SOX6: variants seen among roughly 807,000 people sequenced by gnomAD.
SOX6 encodes the protein SRY-box transcription factor 6.
Under a neutral mutation model 97.8 loss-of-function variants are expected in SOX6, and 11 were observed. The ratio of observed to expected loss-of-function variants is 0.11; its 90% CI spans 0.07 to 0.19. The LOEUF (loss-of-function observed/expected upper bound fraction) is 0.19, where lower values mean the gene tolerates loss of function less well. Ranked by LOEUF, SOX6 falls within the 10% of genes least tolerant of loss-of-function variation. The pLI is 1.00. For missense variants in SOX6, 810 were observed against 1,039.5 expected (o/e 0.78, Z 3.04); for synonymous variants, 360 against 371.4 (o/e 0.97, Z 0.35).
intron 3 of SOX6, among the ~76,000 whole-genome samples, chr11:16,680,935 C>T (rs900069986): frequency 6.6e-6 from 1 of 152,198 alleles, no homozygotes; most frequent in Non-Finnish European, 1.5e-5. Context: ...TGCACCCAAA[C>T]AGGAGCACCC....
At position 16,300,907 on chromosome 11, in the gene SOX6, C is replaced by T. The variant is rs954374478; in HGVS notation, c.445+17539G>A. On this transcript the variant is annotated intron_variant, in intron 3 of 15. Transcript: ENST00000683767. This position sits in a 1 kb window ranked among gnomAD's most constrained non-coding sequence, Gnocchi z 4.1. ...CACCATAAGATAAGATAAGGGATCACTCTGTGACCTGTGTGCTATACCTTT... is the reference window on the plus strand; with the variant it reads ...CACCATAAGATAAGATAAGGGATCATTCTGTGACCTGTGTGCTATACCTTT... Among the ~76,000 whole-genome samples, 10 of 152,180 alleles carry T rather than the reference C, an allele frequency of 6.6e-5. No individual in the cohort carries two copies. In the South Asian group the frequency reaches 1.2e-3, roughly 19 times the overall value.
chr11:16,051,241 C>T lies in SOX6; in HGVS notation c.1252-1303G>A, dbSNP rs192846468. Reference sequence around the variant, plus strand: ...ATTTTCATATACTAGTTCATTTAACCGTCAATGACTATGAGCCTGGCCAGT... The same window carrying T: ...ATTTTCATATACTAGTTCATTTAACTGTCAATGACTATGAGCCTGGCCAGT... On this transcript the variant is annotated intron_variant, in intron 10 of 15. Coordinates refer to ENST00000683767, the MANE Select transcript of SOX6 (RefSeq NM_001367873.1). Among the ~76,000 whole-genome samples, 222 of 152,168 alleles carry T rather than the reference C, an allele frequency of 1.5e-3. 2 individuals carry two copies. Among genetic ancestry groups the T allele is most frequent in the Non-Finnish European group, 2.1e-3 (143 of 67,984 alleles).
At chr11:15,996,795 A>G (rs1854239970) in intron 13 of SOX6, among the ~76,000 whole-genome samples, 1 of 152,228 alleles carries the variant, frequency 6.6e-6, no homozygotes. Flanking sequence ...ACTGAAGTGT[A>G]AGACCTAAGC....
At chr11:15,975,139 GT>G (rs1853437066) in intron 15 of SOX6, among the ~76,000 whole-genome samples, 1 of 152,176 alleles carries the variant, frequency 6.6e-6, no homozygotes, top group South Asian at 2.1e-4. Context: ...CTCATGGTGA[GT>G]TTTTTGGTTG....
At chr11:16,340,321 A>G (rs1170774568) in intron 2 of SOX6, among the ~76,000 whole-genome samples, 1 of 151,824 alleles carries the variant, frequency 6.6e-6, no homozygotes, top group African/African-American at 2.4e-5. Context: ...TGCTAAAAAA[A>G]TTGAATATTT....
At chr11:16,487,399 AT>A (rs1033585084) in intron 4 of SOX6, among the ~76,000 whole-genome samples, 2 of 152,178 alleles carry the variant, frequency 1.3e-5, no homozygotes, top group Non-Finnish European at 2.9e-5. Flanking sequence ...ACAAAGCATA[AT>A]CCCAGACCTC....
At chr11:16,023,430 TA>T (rs1467331407) in intron 12 of SOX6, 3 of 152,176 alleles carry the variant, frequency 2.0e-5, no homozygotes, top group Non-Finnish European at 4.4e-5. Flanking sequence ...ATTTTACTTT[TA>T]AATAAAATGC....
chr11:16,333,597 A>AT (rs1461818308), intron 2 of SOX6, among the ~76,000 whole-genome samples: 1 of 151,872 alleles, frequency 6.6e-6, no homozygotes, highest in Non-Finnish European at 1.5e-5. Flanking sequence ...TAAAAGGTTT[A>AT]TTTAAAAAAA....
intron 4 of SOX6, among the ~76,000 whole-genome samples, chr11:16,205,351 A>G (rs535734016): frequency 6.6e-6 from 1 of 152,154 alleles, no homozygotes; most frequent in South Asian, 2.1e-4. Context: ...ATCAAATTTA[A>G]CCACTGACAT....
chr11:15,997,270 C>T lies in SOX6; in HGVS notation c.1733-8040G>A, dbSNP rs145434576. The stretch of plus-strand genomic sequence containing the variant: ...TTATCCACAAAGAAAATTGAAGCCC[C>T]GAATGGTTTCACTGGTAAATTCTTT... On this transcript the variant is annotated intron_variant, in intron 13 of 15. Coordinates refer to ENST00000683767, the MANE Select transcript of SOX6 (RefSeq NM_001367873.1). Among the ~76,000 whole-genome samples, 633 of 152,026 alleles carry T rather than the reference C, an allele frequency of 4.2e-3. 7 individuals carry two copies. The highest frequency in any genetic ancestry group is 0.014 in the African/African-American group (573 of 41,466).
intron 1 of SOX6, among the ~76,000 whole-genome samples, chr11:16,380,737 G>C (rs985956564): frequency 6.6e-6 from 1 of 151,994 alleles, no homozygotes; most frequent in Non-Finnish European, 1.5e-5. Context: ...GACATAAAAA[G>C]CAATCAAGCA....
chr11:16,351,032 C>A (rs1176103757), intron 1 of SOX6, among the ~76,000 whole-genome samples: 1 of 152,072 alleles, frequency 6.6e-6, no homozygotes, highest in African/African-American at 2.4e-5. Context: ...TATCAAGCAT[C>A]TCATTAAGTC....
rs923303724 is a variant in SOX6 at position 16,130,633 on chromosome 11, T to C, written c.778-18710A>G. On this transcript the variant is annotated intron_variant, in intron 6 of 15. Transcript: ENST00000683767. Reference sequence around the variant, plus strand: ...AAATTCCAGCAGGACATTTTGAATATAGTATGAAGCTGATTCTAAATTTGA... The same window carrying C: ...AAATTCCAGCAGGACATTTTGAATACAGTATGAAGCTGATTCTAAATTTGA... 2.6e-4 allele frequency among the ~76,000 whole-genome samples: 39 copies of C among 152,006 alleles called. 1 individual carries two copies. The highest frequency in any genetic ancestry group is 1.9e-4 in the East Asian group (1 of 5,176).
chr11:16,413,157 C>A (rs1858856300), intron 1 of SOX6, among the ~76,000 whole-genome samples: 1 of 152,182 alleles, frequency 6.6e-6, no homozygotes, highest in South Asian at 2.1e-4. Flanking sequence ...AGTTGCACAG[C>A]AAAAACTTCT....
At chr11:16,206,589 G>C (rs1258648269) in intron 4 of SOX6, among the ~76,000 whole-genome samples, 1 of 152,122 alleles carries the variant, frequency 6.6e-6, no homozygotes, top group Non-Finnish European at 1.5e-5. Flanking sequence ...TAGTGATAGA[G>C]TATTGTATAG....
At chr11:16,086,649 C>T (rs866787979) in intron 9 of SOX6, among the ~76,000 whole-genome samples, 2 of 152,242 alleles carry the variant, frequency 1.3e-5, no homozygotes, top group African/African-American at 4.8e-5. Context: ...CTCATCAAAA[C>T]TTTGAAACTA....
chr11:16,132,800 A>G lies in SOX6; in HGVS notation c.778-20877T>C, dbSNP rs532371183. Among the ~76,000 whole-genome samples the G allele has an allele frequency of 5.9e-5, 9 of 152,086 alleles. No homozygotes were observed. In the East Asian group the frequency reaches 1.7e-3, roughly 29 times the overall value. ...AAGCAATTTTATACCACAAGGACAC[A>G]CAAAATCCACCAAGTACTGCAAACC... On this transcript the variant is annotated intron_variant, in intron 6 of 15. Transcript: ENST00000683767.
rs1426193414 is a variant in SOX6, at chr11:16,452,040, G to A, written c.-5+24275C>T. ...ATAAAATTTTAAAAAGCACGTTTAA[G>A]TGATATGGCCTTGTTTGTGATGAGG... On this transcript the variant is annotated intron_variant, in intron 1 of 15. Coordinates refer to the SOX6 transcript ENST00000396356. Among the ~76,000 whole-genome samples the A allele has an allele frequency of 2.8e-5, 4 of 140,942 alleles. No homozygotes were observed. The East Asian group carries it at 8.6e-4, about 30-fold the overall frequency. 92.5% of individuals were successfully genotyped at this position (140,942 alleles called of 152,430 possible). A position where few individuals can be genotyped will look rare whatever the true frequency, so the allele number is the denominator to read the frequency against.
intron 12 of SOX6, among the ~76,000 whole-genome samples, chr11:16,025,887 T>C (rs558508936): frequency 6.6e-6 from 1 of 152,272 alleles, no homozygotes; most frequent in South Asian, 2.1e-4. Context: ...ATAACATATA[T>C]CTTAAAAAGA....
Sources: allele counts gnomAD v4.1 joint callset (sites outside exome capture counted in the v4.1 genomes callset), GRCh38; gene constraint gnomAD v4.1.1; non-coding constraint Gnocchi (gnomAD v3.1); transcripts MANE v1.5; gene names NCBI Gene and HGNC (gene_info 2026-07-23, HGNC 2026-07-21).